Variants in OPCML observed in about 807,000 individuals in gnomAD.
The protein encoded by OPCML is opioid binding protein/cell adhesion molecule like.
A neutral mutation model predicts 37.8 loss-of-function variants in OPCML; 13 were observed. The observed-to-expected ratio is 0.34, with a 90% CI of 0.22 to 0.55. The LOEUF is 0.55. Among genes scored for constraint, OPCML ranks in the 20% least tolerant of loss-of-function variants. The pLI, the probability that OPCML is intolerant of heterozygous loss-of-function variation, is 0.91. For missense variants in OPCML, 341 were observed against 435.6 expected (o/e 0.78, Z 1.93); for synonymous variants, 176 against 168.8 (o/e 1.04, Z -0.33).
intron 1 of OPCML, among the ~76,000 whole-genome samples, chr11:133,529,812 G>A (rs571113297): frequency 4.6e-5 from 7 of 152,274 alleles, no homozygotes; most frequent in Admixed American, 3.3e-4. Context: ...AGCTATAACA[G>A]GAAGTAAAAG....
At chr11:133,435,337 G>A (rs68145757) in intron 1 of OPCML, among the ~76,000 whole-genome samples, 21,614 of 152,010 alleles carry the variant, frequency 0.14, 1,748 homozygotes, top group African/African-American at 0.21. Flanking sequence ...ACTTCACCTA[G>A]GAGTGCTTTT....
intron 3 of OPCML, among the ~76,000 whole-genome samples, chr11:132,588,896 C>G (rs1489430303): frequency 6.6e-6 from 1 of 152,194 alleles, no homozygotes; most frequent in Non-Finnish European, 1.5e-5. Flanking sequence ...GCAACTCTAT[C>G]TCAGATTCTG....
At chr11:133,108,420 T>C (rs1377659379) in intron 1 of OPCML, among the ~76,000 whole-genome samples, 1 of 152,154 alleles carries the variant, frequency 6.6e-6, no homozygotes, top group African/African-American at 2.4e-5. Context: ...GCAAATTTAA[T>C]TCTTCCCACT....
intron 1 of OPCML, chr11:133,006,216 C>T (rs1483581099): frequency 2.8e-5 from 20 of 710,108 alleles, no homozygotes; most frequent in South Asian, 2.5e-4. Context: ...CCTGGCCCCT[C>T]GTCTTCCTGC....
At chr11:132,688,698 G>GAAA (rs1453767271) in intron 2 of OPCML, among the ~76,000 whole-genome samples, 1 of 108,590 alleles carries the variant, frequency 9.2e-6, no homozygotes. Flanking sequence ...TATAAAAATA[G>GAAA]ATTGGGAGGC....
intron 2 of OPCML, among the ~76,000 whole-genome samples, chr11:132,722,628 G>A (rs185631768): frequency 4.1e-4 from 63 of 152,122 alleles, no homozygotes; most frequent in Non-Finnish European, 7.4e-4. Flanking sequence ...GAACATCATC[G>A]TTAGTTGATA....
rs146119747 is a variant in OPCML, at chr11:133,365,129, A to G, written c.61+167135T>C. On this transcript the variant is annotated intron_variant, in intron 1 of 7. Coordinates refer to ENST00000524381, the MANE Select transcript of OPCML (RefSeq NM_001012393.5). ...TGGGAACCACTGCTGTGCAATGCCG[A>G]CCACCTCCAGATGTGCAGTCAGCAG... 4.5e-3 allele frequency among the ~76,000 whole-genome samples: 689 copies of G among 151,642 alleles called. 3 individuals carry two copies. Among genetic ancestry groups the G allele is most frequent in the African/African-American group, 0.015 (617 of 41,258 alleles).
chr11:132,960,268 A>G (rs570578517), intron 1 of OPCML, among the ~76,000 whole-genome samples: 1 of 152,336 alleles, frequency 6.6e-6, no homozygotes, highest in Admixed American at 6.5e-5. Flanking sequence ...TAGAATATCA[A>G]GAGTCAAGAT....
chr11:132,919,507 T>C (rs187516832), intron 2 of OPCML, among the ~76,000 whole-genome samples: 22 of 152,276 alleles, frequency 1.4e-4, no homozygotes, highest in African/African-American at 4.8e-4. Flanking sequence ...TAGGGTCCAA[T>C]GTTAGAGCTG....
At chr11:132,634,691 T>C (rs538764407) in intron 3 of OPCML, among the ~76,000 whole-genome samples, 3 of 152,252 alleles carry the variant, frequency 2.0e-5, no homozygotes, top group Admixed American at 1.3e-4. Context: ...TTTCTTAAAA[T>C]TTTTAACATT....
intron 1 of OPCML, chr11:133,008,190 C>T (rs536711881): frequency 2.0e-6 from 2 of 985,400 alleles, no homozygotes; most frequent in East Asian, 2.3e-4. Flanking sequence ...TGGGTCATTC[C>T]ATTGGCTACA....
chr11:133,080,141 A>G (rs920332355), intron 1 of OPCML, among the ~76,000 whole-genome samples: 1 of 152,148 alleles, frequency 6.6e-6, no homozygotes, highest in Non-Finnish European at 1.5e-5. Context: ...TGGCCAATCC[A>G]CAAGAGCTAC....
intron 1 of OPCML, among the ~76,000 whole-genome samples, chr11:133,359,206 G>A (rs546692413): frequency 6.6e-6 from 1 of 152,234 alleles, no homozygotes; most frequent in East Asian, 1.9e-4. Context: ...ATTCCTCTGA[G>A]ATCCAGGCTT....
chr11:132,939,456 C>T (rs1476756109), intron 2 of OPCML, among the ~76,000 whole-genome samples: 1 of 152,180 alleles, frequency 6.6e-6, no homozygotes, highest in Admixed American at 6.5e-5. Context: ...ACTGATTATC[C>T]TGCTGTTGAA....
chr11:133,291,773 T>C (rs1324049811), intron 1 of OPCML, among the ~76,000 whole-genome samples: 1 of 152,190 alleles, frequency 6.6e-6, no homozygotes, highest in East Asian at 1.9e-4. Context: ...AGACACCCAA[T>C]CTCAGCATTT....
At chr11:133,288,979 G>A (rs547991253) in intron 1 of OPCML, among the ~76,000 whole-genome samples, 24 of 152,238 alleles carry the variant, frequency 1.6e-4, no homozygotes, top group African/African-American at 4.6e-4. Flanking sequence ...CATCAGGGAC[G>A]CACATGTGGA....
chr11:132,936,627 T>C (rs1388409097), intron 2 of OPCML, among the ~76,000 whole-genome samples: 1 of 152,100 alleles, frequency 6.6e-6, no homozygotes, highest in African/African-American at 2.4e-5. Context: ...ACAGTTCCTT[T>C]CTCTAAACTT....
intron 4 of OPCML, among the ~76,000 whole-genome samples, chr11:132,456,413 T>C (rs189606311): frequency 2.1e-3 from 314 of 152,346 alleles, no homozygotes; most frequent in African/African-American, 7.0e-3. Flanking sequence ...AATTTAGTTT[T>C]AGTTAATTTT....
intron 1 of OPCML, among the ~76,000 whole-genome samples, chr11:133,054,516 C>T (rs1591955857): frequency 6.6e-6 from 1 of 152,194 alleles, no homozygotes; most frequent in African/African-American, 2.4e-5. Context: ...CAGGGCTGCT[C>T]CTCACAGAGG....
Sources: gnomAD v4.1 joint callset for allele counts (sites outside exome capture counted in the v4.1 genomes callset) on GRCh38, gnomAD v4.1.1 for gene constraint, MANE v1.5 for transcripts, NCBI Gene and HGNC (gene_info 2026-07-23, HGNC 2026-07-21) for gene names.